The following CSMD1 variants were observed in gnomAD, a reference collection of about 807,000 sequenced individuals.
CSMD1 encodes the protein CUB and Sushi multiple domains 1.
CSMD1 carries 213 observed loss-of-function variants against 417.5 expected under a neutral mutation model. The ratio of observed to expected loss-of-function variants is 0.51; its 90% CI spans 0.46 to 0.57. The LOEUF is 0.57. CSMD1 is among the 20% of genes least tolerant of loss of function. The pLI is 0.00. For synonymous variants in CSMD1, 2,862 were observed against 1,736.8 expected, an observed-to-expected ratio of 1.65 and a Z score of -16.11; for missense variants, 6,923 against 4,529.7, an observed-to-expected ratio of 1.53 and a Z score of -15.17.
chr8:3,046,939 C>A (rs1811485720), intron 50 of CSMD1, among the ~76,000 whole-genome samples: 1 of 152,120 alleles, frequency 6.6e-6, no homozygotes. Context: ...CCGCTCTGGG[C>A]CAGGCGCAGT....
At chr8:4,153,624 T>C (rs1321798879) in intron 3 of CSMD1, among the ~76,000 whole-genome samples, 2 of 152,222 alleles carry the variant, frequency 1.3e-5, no homozygotes, top group Non-Finnish European at 2.9e-5. Context: ...GTTTCCTCTC[T>C]TCACCTTGCA....
intron 3 of CSMD1, among the ~76,000 whole-genome samples, chr8:4,226,614 T>C (rs1042110475): frequency 6.6e-6 from 1 of 152,234 alleles, no homozygotes; most frequent in Non-Finnish European, 1.5e-5. Context: ...ATTGATATTC[T>C]ATAACATCAA....
At chr8:4,173,004 A>C (rs3849833) in intron 3 of CSMD1, among the ~76,000 whole-genome samples, 55,687 of 152,010 alleles carry the variant, frequency 0.37, 12,413 homozygotes, top group African/African-American at 0.62. Context: ...GAAACCTTGA[A>C]ATAATAAATG....
chr8:3,642,785 G>GT (rs1797370955), intron 7 of CSMD1, among the ~76,000 whole-genome samples: 1 of 152,030 alleles, frequency 6.6e-6, no homozygotes. Context: ...TTCATGCAGA[G>GT]TATGTATATG....
At chr8:4,585,669 G>C (rs1281006105) in intron 2 of CSMD1, among the ~76,000 whole-genome samples, 1 of 152,084 alleles carries the variant, frequency 6.6e-6, no homozygotes, top group Non-Finnish European at 1.5e-5. Flanking sequence ...AGAAGATTTT[G>C]CAATGGAAAA....
chr8:4,097,341 T>C (rs1559570), intron 3 of CSMD1, among the ~76,000 whole-genome samples: 70,163 of 152,084 alleles, frequency 0.46, 16,414 homozygotes, highest in East Asian at 0.61. Context: ...AGTTGACACC[T>C]TTATAAAATG....
At chr8:3,455,908 G>A (rs56959174) in intron 12 of CSMD1, among the ~76,000 whole-genome samples, 4,785 of 152,288 alleles carry the variant, frequency 0.031, 250 homozygotes, top group African/African-American at 0.11. Context: ...TGCCCCCAGA[G>A]GTGGAGTCTA....
chr8:4,381,296 C>A (rs1373519777), intron 3 of CSMD1, among the ~76,000 whole-genome samples: 1 of 152,120 alleles, frequency 6.6e-6, no homozygotes, highest in African/African-American at 2.4e-5. Context: ...GTTGGGGAAA[C>A]CACTGGGTGG....
intron 3 of CSMD1, among the ~76,000 whole-genome samples, chr8:4,062,595 C>G (rs1038461961): frequency 3.9e-5 from 6 of 152,104 alleles, no homozygotes; most frequent in African/African-American, 1.2e-4. Flanking sequence ...TGATACGTCC[C>G]AGATCTGATC....
chr8:3,842,313 A>G (rs1427074860), intron 5 of CSMD1, among the ~76,000 whole-genome samples: 1 of 152,070 alleles, frequency 6.6e-6, no homozygotes, highest in African/African-American at 2.4e-5. Flanking sequence ...AGTAGTTTCT[A>G]TTGGTACACT....
chr8:4,537,551 G>C (rs563099960), intron 2 of CSMD1, among the ~76,000 whole-genome samples: 6 of 152,278 alleles, frequency 3.9e-5, no homozygotes, highest in African/African-American at 1.4e-4. Context: ...AAAAAGATTA[G>C]TTTTCAAGTT....
chr8:3,962,398 G>T (rs1044369155), intron 5 of CSMD1, among the ~76,000 whole-genome samples: 6 of 152,190 alleles, frequency 3.9e-5, no homozygotes, highest in Non-Finnish European at 8.8e-5. Context: ...TCACCACGCA[G>T]TCCTGAATTC....
intron 26 of CSMD1, 52 bp from the exon 27 acceptor site, chr8:3,230,283 AT>A: frequency 3.5e-6 from 5 of 1,432,572 alleles, no homozygotes; most frequent in Non-Finnish European, 4.7e-6. Context: ...TGGTTTCCAC[AT>A]TCTTGTCGGT....
At chr8:3,751,686 A>C (rs1280352621) in intron 6 of CSMD1, among the ~76,000 whole-genome samples, 1 of 151,892 alleles carries the variant, frequency 6.6e-6, no homozygotes, top group African/African-American at 2.4e-5. Flanking sequence ...AGTGATTGCT[A>C]TTTTCTGCCA....
chr8:3,670,726 ACATGTATGGGATG>A (rs1270379175), intron 7 of CSMD1, among the ~76,000 whole-genome samples: 11 of 136,968 alleles, frequency 8.0e-5, no homozygotes, highest in Admixed American at 2.2e-4. Context: ...TATGGGATAT[ACATGTATGGGATG>A]TATGTATATG....
chr8:4,816,245 T>G (rs898675205), intron 1 of CSMD1, among the ~76,000 whole-genome samples: 7 of 152,034 alleles, frequency 4.6e-5, no homozygotes, highest in African/African-American at 1.7e-4. Flanking sequence ...AGTGCAGTAG[T>G]GCAATCTTGG....
At chr8:4,080,090 G>C (rs766097954) in intron 3 of CSMD1, among the ~76,000 whole-genome samples, 37 of 151,160 alleles carry the variant, frequency 2.4e-4, no homozygotes, top group Non-Finnish European at 2.9e-4. Context: ...CTGTCTCCAT[G>C]TTTGTGTTCC....
intron 61 of CSMD1, among the ~76,000 whole-genome samples, chr8:2,961,422 G>A (rs1803472329): frequency 1.3e-5 from 2 of 152,062 alleles, no homozygotes; most frequent in Non-Finnish European, 2.9e-5. Context: ...TAGACTTTAA[G>A]TAGTTCAGTA....
At position 4,442,372 on chromosome 8, in the gene CSMD1, G is replaced by C. The variant is rs375139727; in HGVS notation, c.303-22307C>G. On this transcript the variant is annotated intron_variant, in intron 2 of 69. Coordinates refer to ENST00000635120, the MANE Select transcript of CSMD1 (RefSeq NM_033225.6). ...TCCCATTCCCACACGTTTGCCTAGAGATTTCTACCATTAACAAAGCCTACG... is the reference window on the plus strand; with the variant it reads ...TCCCATTCCCACACGTTTGCCTAGACATTTCTACCATTAACAAAGCCTACG... 9.9e-5 allele frequency among the ~76,000 whole-genome samples: 15 copies of C among 152,226 alleles called. No homozygotes were observed. The East Asian group carries it at 2.3e-3, about 24-fold the overall frequency.
Sources: gnomAD v4.1 joint callset for allele counts (sites outside exome capture counted in the v4.1 genomes callset) on GRCh38, gnomAD v4.1.1 for gene constraint, MANE v1.5 for transcripts, NCBI Gene and HGNC (gene_info 2026-07-23, HGNC 2026-07-21) for gene names.